Variants in NPSR1 observed in about 807,000 individuals in gnomAD.
The protein encoded by NPSR1 is neuropeptide S receptor 1.
A neutral mutation model predicts 46.9 loss-of-function variants in NPSR1; 48 were observed. The ratio of observed to expected loss-of-function variants is 1.02; its 90% CI spans 0.81 to 1.30. The LOEUF is 1.30. Ranked by LOEUF, NPSR1 falls within the 50% of genes most tolerant of loss-of-function variation. The pLI is 0.00. For synonymous variants in NPSR1, 176 were observed against 168.1 expected (o/e 1.05, Z -0.36); for missense variants, 450 against 449.5 (o/e 1.00, Z -0.01).
intron 8 of NPSR1, among the ~76,000 whole-genome samples, chr7:34,862,402 AT>A (rs989469606): frequency 6.6e-6 from 1 of 151,506 alleles, no homozygotes; most frequent in African/African-American, 2.4e-5. Context: ...TCTACCCTTT[AT>A]TTTTTGTTCC....
intron 5 of NPSR1, among the ~76,000 whole-genome samples, chr7:34,829,708 C>T (rs1790027507): frequency 6.6e-6 from 1 of 152,190 alleles, no homozygotes; most frequent in African/African-American, 2.4e-5. Context: ...GCTGCTTTTT[C>T]CACCAGGACT....
chr7:34,829,656 A>G (rs555621752), intron 5 of NPSR1, among the ~76,000 whole-genome samples: 71 of 152,314 alleles, frequency 4.7e-4, no homozygotes, highest in African/African-American at 1.7e-3. Context: ...TGGACCACGC[A>G]GCTCAGGTTA....
rs1049921285 is a variant in NPSR1, at chr7:34,773,259, C to T, written c.281-5203C>T. The stretch of plus-strand genomic sequence containing the variant: ...CTTTCAGAGCATTACCTTTAAGTGG[C>T]ACTTCATATGTTCCTTCAGTAGTTC... On this transcript the variant is annotated intron_variant, in intron 2 of 8. Transcript: ENST00000360581. Among the ~76,000 whole-genome samples, 32 of 152,106 alleles carry T rather than the reference C, an allele frequency of 2.1e-4. 3 individuals are homozygous for T. Among genetic ancestry groups the T allele is most frequent in the Non-Finnish European group, 1.5e-5 (1 of 67,998 alleles).
intron 8 of NPSR1, among the ~76,000 whole-genome samples, chr7:34,863,552 A>G (rs1438371277): frequency 6.6e-6 from 1 of 151,896 alleles, no homozygotes; most frequent in Non-Finnish European, 1.5e-5. Flanking sequence ...AACCCCATCA[A>G]AAAGTGGGCA....
At chr7:34,780,547 A>T (rs1271046860) in intron 3 of NPSR1, among the ~76,000 whole-genome samples, 1 of 152,210 alleles carries the variant, frequency 6.6e-6, no homozygotes, top group Non-Finnish European at 1.5e-5. Flanking sequence ...GAAATTAACC[A>T]AACACTTGCA....
At chr7:34,742,372 A>C (rs942085316) in intron 2 of NPSR1, among the ~76,000 whole-genome samples, 2 of 152,070 alleles carry the variant, frequency 1.3e-5, no homozygotes, top group Non-Finnish European at 2.9e-5. Context: ...CTTTGTGTTC[A>C]TAAGTTCTCA....
In NPSR1 at chr7:34,845,808, C is replaced by CGAAT. The variant is rs748560161; in HGVS notation, c.844+850_844+853dup. On this transcript the variant is annotated intron_variant, in intron 7 of 8. Coordinates refer to ENST00000360581, the MANE Select transcript of NPSR1 (RefSeq NM_207172.2). Reference sequence around the variant, plus strand: ...TACACACTGCTCAATTAACATTTGTCGAATGAATGAATGAATGAATGAATG... The same window carrying CGAAT: ...TACACACTGCTCAATTAACATTTGTCGAATGAATGAATGAATGAATGAATGAATG... Among the ~76,000 whole-genome samples, 1,227 of 151,990 alleles carry CGAAT rather than the reference C, an allele frequency of 8.1e-3. 16 individuals carry two copies. Among genetic ancestry groups the CGAAT allele is most frequent in the African/African-American group, 0.025 (1,031 of 41,442 alleles).
chr7:34,810,030 T>TTCAC (rs1788904665), intron 3 of NPSR1, among the ~76,000 whole-genome samples: 1 of 152,204 alleles, frequency 6.6e-6, no homozygotes, highest in Non-Finnish European at 1.5e-5. Flanking sequence ...TATGGTGGCT[T>TTCAC]TCACAACATT....
At chr7:34,819,330 GATC>G (rs1789430610) in intron 4 of NPSR1, among the ~76,000 whole-genome samples, 2 of 152,208 alleles carry the variant, frequency 1.3e-5, no homozygotes, top group South Asian at 4.1e-4. Context: ...CATCATCACT[GATC>G]ATCAGAGAAA....
intron 7 of NPSR1, among the ~76,000 whole-genome samples, chr7:34,848,033 C>T (rs925291067): frequency 7.9e-5 from 12 of 152,168 alleles, no homozygotes; most frequent in Non-Finnish European, 1.5e-4. Context: ...ATATTGTGAT[C>T]ACCCCTTCTC....
Position 34,730,367 on chromosome 7 carries a change from G to A in NPSR1, c.280+45683G>A, listed in dbSNP as rs569492219. 3.9e-5 allele frequency among the ~76,000 whole-genome samples: 6 copies of A among 152,152 alleles called. 1 individual carries two copies. The East Asian group carries it at 7.7e-4, about 20-fold the overall frequency. ...ACCTCTGTACTTGCTGTTCCCTCTGGCCTGAACAGTCTTCCCTCAGAGCCT... is the reference window on the plus strand; with the variant it reads ...ACCTCTGTACTTGCTGTTCCCTCTGACCTGAACAGTCTTCCCTCAGAGCCT... On this transcript the variant is annotated intron_variant, in intron 2 of 8. Coordinates refer to ENST00000360581, the MANE Select transcript of NPSR1 (RefSeq NM_207172.2).
intron 2 of NPSR1, among the ~76,000 whole-genome samples, chr7:34,687,126 A>G (rs569219173): frequency 6.6e-6 from 1 of 150,394 alleles, no homozygotes; most frequent in South Asian, 2.1e-4. Flanking sequence ...GATCTCAGAG[A>G]CCCCACAACT....
rs558672759 is a variant in NPSR1, at chr7:34,860,571, A to C, written c.1025+11908A>C. On this transcript the variant is annotated intron_variant, in intron 8 of 8. Transcript: ENST00000359791. Reference sequence around the variant, plus strand: ...TTGACTTAATAGAAGACAGATTTTCATATCTTCTGCATTCAATCTGTTGCA... The same window carrying C: ...TTGACTTAATAGAAGACAGATTTTCCTATCTTCTGCATTCAATCTGTTGCA... Among the ~76,000 whole-genome samples, 4 of 151,866 alleles carry C rather than the reference A, an allele frequency of 2.6e-5. No homozygotes were observed. The East Asian group carries it at 5.8e-4, about 22-fold the overall frequency.
At chr7:34,810,845 G>A (rs1788946670) in intron 3 of NPSR1, among the ~76,000 whole-genome samples, 1 of 152,130 alleles carries the variant, frequency 6.6e-6, no homozygotes. Context: ...ACAAATTCTA[G>A]CACCAGGAAC....
intron 8 of NPSR1, among the ~76,000 whole-genome samples, chr7:34,857,539 G>A (rs796096615): frequency 1.3e-4 from 20 of 151,680 alleles, no homozygotes; most frequent in African/African-American, 4.6e-4. Flanking sequence ...ATAAAAAATT[G>A]GACATTTATG....
At position 34,702,871 on chromosome 7, in the gene NPSR1, G is replaced by A. The variant is rs1793904659; in HGVS notation, c.280+18187G>A. Among the ~76,000 whole-genome samples the A allele has an allele frequency of 2.0e-5, 3 of 152,304 alleles. No individual in the cohort carries two copies. In the South Asian group the frequency reaches 6.2e-4, roughly 32 times the overall value. ...TTGGTTACCCAAGTTAAAAGATGAT[G>A]GAAAATGTCGGGGGACAAATGCTCT... On this transcript the variant is annotated intron_variant, in intron 2 of 8. Coordinates refer to ENST00000360581, the MANE Select transcript of NPSR1 (RefSeq NM_207172.2).
At chr7:34,821,080 G>A (rs1035767476) in intron 4 of NPSR1, among the ~76,000 whole-genome samples, 3 of 151,800 alleles carry the variant, frequency 2.0e-5, no homozygotes, top group Admixed American at 6.6e-5. Flanking sequence ...AAGGTTGGGG[G>A]GCCTTATAAC....
intron 3 of NPSR1, chr7:34,779,693 TA>T (rs1229116253): frequency 1.7e-6 from 1 of 595,168 alleles, no homozygotes; most frequent in Non-Finnish European, 2.4e-6. Flanking sequence ...GGGAAATTTT[TA>T]AAAACATATT....
rs1787082131 is a variant in NPSR1, at chr7:34,778,513, C to G, written c.332C>G (p.Thr111Ser). Residue 111 changes from threonine (T) to serine (S), a missense_variant, in exon 3 of 9, where the codon ACT becomes AGT. Physicochemically the swap from Thr to Ser is moderately conservative, Grantham distance 58 (BLOSUM62 1). Transcript: ENST00000360581. ...NILTDINWRF[T>S]GDFTAPDLVC... is the part of the protein sequence containing the mutation. ...TTGACAGATATTAATTGGCGATTCA[C>G]TGGAGACTTCACGGCACCTGACCTG... 1 of 1,612,892 alleles carries G rather than the reference C, an allele frequency of 6.2e-7. No homozygotes were observed.
Sources: gnomAD v4.1 joint callset for allele counts (sites outside exome capture counted in the v4.1 genomes callset) on GRCh38, gnomAD v4.1.1 for gene constraint, MANE v1.5 for transcripts, NCBI Gene and HGNC (gene_info 2026-07-23, HGNC 2026-07-21) for gene names.